Variants in COG5 observed in about 807,000 individuals in gnomAD.
COG5 encodes component of oligomeric golgi complex 5.
COG5 carries 86 observed loss-of-function variants against 110.4 expected under a neutral mutation model. That is an observed-to-expected ratio of 0.78 (90% CI 0.65 to 0.93). The LOEUF (loss-of-function observed/expected upper bound fraction) is 0.93. Ranked by LOEUF, COG5 falls within the 40% of genes least tolerant of loss-of-function variation. The pLI, the probability that COG5 is intolerant of heterozygous loss-of-function variation, is 0.00. For synonymous variants in COG5, 360 were observed against 334.6 expected (o/e 1.08, Z -0.83); for missense variants, 1,077 against 987.0 (o/e 1.09, Z -1.22).
intron 6 of COG5, among the ~76,000 whole-genome samples, chr7:107,495,854 C>T (rs903467288): frequency 1.3e-5 from 2 of 151,972 alleles, no homozygotes; most frequent in Non-Finnish European, 2.9e-5. Flanking sequence ...GCAGAAAATT[C>T]CAAGAAAGGA....
At chr7:107,364,047 T>C (rs967269318) in intron 8 of COG5, among the ~76,000 whole-genome samples, 6 of 152,030 alleles carry the variant, frequency 3.9e-5, no homozygotes, top group Non-Finnish European at 5.9e-5. Flanking sequence ...GATAAGAGCA[T>C]AGTATTACAA....
intron 7 of COG5, among the ~76,000 whole-genome samples, chr7:107,379,845 C>G (rs1199975430): frequency 6.6e-6 from 1 of 152,014 alleles, no homozygotes; most frequent in Non-Finnish European, 1.5e-5. Flanking sequence ...GACTTTAATG[C>G]CCCACTGTCA....
chr7:107,428,463 C>A (rs1793796982), intron 6 of COG5, among the ~76,000 whole-genome samples: 1 of 152,014 alleles, frequency 6.6e-6, no homozygotes. Context: ...TGGAATGACA[C>A]ATTTATAAGT....
At chr7:107,306,358 A>G (rs572390761) in intron 11 of COG5, among the ~76,000 whole-genome samples, 1 of 152,280 alleles carries the variant, frequency 6.6e-6, no homozygotes, top group African/African-American at 2.4e-5. Flanking sequence ...TAATTTTTAG[A>G]AGCAAATAAA....
chr7:107,441,182 G>C (rs902411608), intron 6 of COG5, among the ~76,000 whole-genome samples: 1 of 151,252 alleles, frequency 6.6e-6, no homozygotes, highest in Non-Finnish European at 1.5e-5. Context: ...TTGAACCCAG[G>C]GGGGCAAAGG....
At chr7:107,470,922 T>C (rs941192700) in intron 6 of COG5, among the ~76,000 whole-genome samples, 1 of 151,904 alleles carries the variant, frequency 6.6e-6, no homozygotes, top group Non-Finnish European at 1.5e-5. Flanking sequence ...TAGTATCTTA[T>C]GAAATCTGTT....
At chr7:107,345,242 G>C (rs923705462) in intron 10 of COG5, among the ~76,000 whole-genome samples, 3 of 152,024 alleles carry the variant, frequency 2.0e-5, no homozygotes, top group Non-Finnish European at 2.9e-5. Context: ...TAACATCAAA[G>C]ATCACTGATC....
At chr7:107,420,077 CA>C (rs1246687858) in intron 6 of COG5, among the ~76,000 whole-genome samples, 8 of 152,014 alleles carry the variant, frequency 5.3e-5, no homozygotes, top group Non-Finnish European at 8.8e-5. Context: ...TTATTTCTTA[CA>C]AAAATTTTAG....
chr7:107,304,409 G>A (rs1807532486), intron 11 of COG5, among the ~76,000 whole-genome samples: 1 of 151,980 alleles, frequency 6.6e-6, no homozygotes, highest in African/African-American at 2.4e-5. Flanking sequence ...GTTATTATTT[G>A]TCTTATTTTC....
intron 12 of COG5, among the ~76,000 whole-genome samples, chr7:107,286,286 G>A (rs934554945): frequency 5.9e-5 from 9 of 152,136 alleles, no homozygotes; most frequent in Non-Finnish European, 1.0e-4. Flanking sequence ...ATATCTATAA[G>A]GGTGGTATAT....
chr7:107,227,879 T>C (rs1198806649), intron 19 of COG5, among the ~76,000 whole-genome samples: 1 of 152,160 alleles, frequency 6.6e-6, no homozygotes, highest in Admixed American at 6.5e-5. Context: ...TGGCTAATTT[T>C]TGTACTTTTT....
chr7:107,482,241 C>G (rs1334948775), intron 6 of COG5, among the ~76,000 whole-genome samples: 2 of 151,640 alleles, frequency 1.3e-5, no homozygotes, highest in African/African-American at 4.8e-5. Flanking sequence ...TCTTGAGGCT[C>G]AAGCGATTCT....
At position 107,507,902 on chromosome 7, in the gene COG5, T is replaced by C. The variant is rs974496174; in HGVS notation, c.538+19335A>G. 6.6e-5 allele frequency among the ~76,000 whole-genome samples: 10 copies of C among 152,122 alleles called. No homozygotes were observed. The East Asian group carries it at 7.7e-4, about 12-fold the overall frequency. ...ATTTGGTTTTAAGAATATTCTCTCATGGGGTGGGTGGAGCTAAGATGGCTG... is the reference window on the plus strand; with the variant it reads ...ATTTGGTTTTAAGAATATTCTCTCACGGGGTGGGTGGAGCTAAGATGGCTG... On this transcript the variant is annotated intron_variant, in intron 6 of 21. Coordinates refer to ENST00000297135, the MANE Select transcript of COG5 (RefSeq NM_006348.5).
At chr7:107,246,161 T>C (rs920043626) in intron 17 of COG5, among the ~76,000 whole-genome samples, 3 of 152,144 alleles carry the variant, frequency 2.0e-5, no homozygotes, top group African/African-American at 4.8e-5. Flanking sequence ...TGGCTAGTCA[T>C]ACACAGAAGA....
At position 107,515,853 on chromosome 7, in the gene COG5, A is replaced by C. The variant is rs3801952; in HGVS notation, c.538+11384T>G. On this transcript the variant is annotated intron_variant, in intron 6 of 21. Transcript: ENST00000297135. ...ATCAATTCTCAGTATAGCAAAATAAAGTTTCTAAGCCAGAAAGAGTAAGAA... is the reference window on the plus strand; with the variant it reads ...ATCAATTCTCAGTATAGCAAAATAACGTTTCTAAGCCAGAAAGAGTAAGAA... Among the ~76,000 whole-genome samples the C allele has an allele frequency of 3.9e-4, 59 of 152,356 alleles. No homozygotes were observed. The East Asian group carries it at 8.1e-3, about 21-fold the overall frequency.
chr7:107,430,465 T>C lies in COG5; in HGVS notation c.539-17833A>G, dbSNP rs1046798330. ...ATCTACATATCTATCTTTATGCCAT[T>C]ACCAGACTGTATGAATTATTGTAGC... On this transcript the variant is annotated intron_variant, in intron 6 of 21. Coordinates refer to ENST00000297135, the MANE Select transcript of COG5 (RefSeq NM_006348.5). 5.9e-5 allele frequency among the ~76,000 whole-genome samples: 9 copies of C among 152,236 alleles called. No homozygotes were observed. The East Asian group carries it at 1.5e-3, about 26-fold the overall frequency.
intron 6 of COG5, among the ~76,000 whole-genome samples, chr7:107,433,754 T>C (rs1425712643): frequency 2.0e-5 from 3 of 152,170 alleles, no homozygotes; most frequent in African/African-American, 7.2e-5. Context: ...TTTCATGGCA[T>C]TGAATCTGGC....
rs1584742759 is a variant in COG5, at chr7:107,372,738, G to A, written c.692C>T (p.Ala231Val). The change falls in exon 8 of 22, where the codon GCT becomes GTT. Residue 231 changes from alanine (A) to valine (V), a missense_variant. By Grantham distance (64) the Ala-to-Val change is moderately conservative. Transcript: ENST00000297135. ...ETQNPTQVGT[A>V]LQVFYNLGTL... is the part of the protein sequence containing the mutation. ...TCCAAGATTATAGAAAACCTGAAGA[G>A]CTGTTCCGACTTGAGTTGGATTCTT... The A allele has an allele frequency of 2.5e-6, 4 of 1,613,592 alleles. No individual in the cohort carries two copies. The highest frequency in any genetic ancestry group is 3.4e-6 in the Non-Finnish European group (4 of 1,179,768).
chr7:107,506,445 G>C (rs1799011937), intron 6 of COG5, among the ~76,000 whole-genome samples: 1 of 152,190 alleles, frequency 6.6e-6, no homozygotes, highest in African/African-American at 2.4e-5. Context: ...CTCTCCACAA[G>C]TGGGGCAAGC....
Sources: gnomAD v4.1 joint callset for allele counts (sites outside exome capture counted in the v4.1 genomes callset) on GRCh38, gnomAD v4.1.1 for gene constraint, MANE v1.5 for transcripts, NCBI Gene and HGNC (gene_info 2026-07-23, HGNC 2026-07-21) for gene names.